EXT1: variants seen among roughly 807,000 people sequenced by gnomAD.
EXT1 encodes the protein exostosin glycosyltransferase 1, also known as exostosin-1.
EXT1 carries 20 observed loss-of-function variants against 82.5 expected under a neutral mutation model. That is an observed-to-expected ratio of 0.24 (90% CI 0.17 to 0.35). The LOEUF (loss-of-function observed/expected upper bound fraction) is 0.35, where lower values mean the gene tolerates loss of function less well. Among genes scored for constraint, EXT1 ranks in the 10% least tolerant of loss-of-function variants. The pLI is 1.00. For missense variants in EXT1, 757 were observed against 936.5 expected (o/e 0.81, Z 2.50); for synonymous variants, 348 against 350.8 (o/e 0.99, Z 0.09).
chr8:117,842,522 CAAA>C (rs2129805970), intron 1 of EXT1, among the ~76,000 whole-genome samples: 1 of 152,244 alleles, frequency 6.6e-6, no homozygotes, highest in South Asian at 2.1e-4. Flanking sequence ...TTTTGAAGAT[CAAA>C]TGAAATCATG....
chr8:117,900,752 C>T, intron 1 of EXT1, among the ~76,000 whole-genome samples: 1 of 152,160 alleles, frequency 6.6e-6, no homozygotes, highest in Non-Finnish European at 1.5e-5. Flanking sequence ...AGCCTGGGTG[C>T]CACACATTCA....
chr8:117,880,241 A>G (rs1813037243), intron 1 of EXT1, among the ~76,000 whole-genome samples: 2 of 152,252 alleles, frequency 1.3e-5, no homozygotes, highest in Admixed American at 1.3e-4. Context: ...TTCAAGCAAC[A>G]TGCCAAGCTA....
At chr8:117,928,381 A>C (rs1038993667) in intron 1 of EXT1, among the ~76,000 whole-genome samples, 8 of 152,190 alleles carry the variant, frequency 5.3e-5, no homozygotes, top group Non-Finnish European at 1.5e-5. Flanking sequence ...GGTTGAATGC[A>C]GGCATGTACA....
At chr8:118,054,897 T>G (rs1428231403) in intron 1 of EXT1, among the ~76,000 whole-genome samples, 1 of 151,688 alleles carries the variant, frequency 6.6e-6, no homozygotes, top group Non-Finnish European at 1.5e-5. Flanking sequence ...CAATTTCTCT[T>G]TTATTACTCC....
chr8:118,067,757 AATC>A (rs1817017743), intron 1 of EXT1, among the ~76,000 whole-genome samples: 1 of 152,230 alleles, frequency 6.6e-6, no homozygotes, highest in African/African-American at 2.4e-5. Context: ...TCAGAAACCT[AATC>A]TTAACATAGG....
At chr8:118,108,576 G>A (rs114923889) in intron 1 of EXT1, among the ~76,000 whole-genome samples, 3,042 of 152,308 alleles carry the variant, frequency 0.02, 100 homozygotes, top group African/African-American at 0.069. Flanking sequence ...CTGGATGAGA[G>A]GAAAATATGG....
intron 7 of EXT1, 100 bp downstream of exon 7, chr8:117,818,335 A>C: frequency 1.1e-6 from 1 of 911,742 alleles, no homozygotes; most frequent in Non-Finnish European, 1.8e-6. Context: ...AAAATAATCC[A>C]GGAACAGGGA....
In EXT1 at chr8:117,819,689, T is replaced by C. The variant is rs915757314; in HGVS notation, c.1523A>G (p.Gln508Arg). The C allele has an allele frequency of 2.5e-6, 4 of 1,612,396 alleles. No individual in the cohort carries two copies. In the African/African-American group the frequency reaches 5.3e-5, roughly 22 times the overall value. ...LKLLVAAAKS[Q>R]YCAQIIVLWN... ...CTTCCCGCTCACCTGGGCACAGTAC[T>C]GGGACTTGGCTGCAGCCACGAGAAG... The change falls in exon 6 of 11, where the codon CAG (glutamine) becomes CGG (arginine). Residue 508 changes from glutamine (Q) to arginine (R), a missense_variant. Transcript: ENST00000378204.
chr8:117,830,210 AG>A lies in EXT1; in HGVS notation c.1284+19del. ...TAAAGGACCATTATTCAAGCCCAAG[AG>A]CCAAGTGGTCTCACTTACCTCTAGT... On this transcript the variant is annotated intron_variant, in intron 4 of 10. Coordinates refer to ENST00000378204, the MANE Select transcript of EXT1 (RefSeq NM_000127.3). The A allele has an allele frequency of 6.2e-7, 1 of 1,613,820 alleles. No homozygotes were observed. Among genetic ancestry groups the A allele is most frequent in the Non-Finnish European group, 8.5e-7 (1 of 1,179,906 alleles).
chr8:117,961,858 G>A (rs183710807), intron 1 of EXT1, among the ~76,000 whole-genome samples: 249 of 152,236 alleles, frequency 1.6e-3, no homozygotes, highest in Non-Finnish European at 2.3e-3. Context: ...TTTCATGGTC[G>A]CCTTGCATAG....
intron 1 of EXT1, among the ~76,000 whole-genome samples, chr8:118,106,857 T>C (rs953818179): frequency 6.6e-6 from 1 of 152,266 alleles, no homozygotes; most frequent in African/African-American, 2.4e-5. Flanking sequence ...TATCCACATG[T>C]GTTAAAATAT....
chr8:117,811,260 G>A lies in EXT1; in HGVS notation c.1722+1612C>T, dbSNP rs144100651. 1.2e-3 allele frequency among the ~76,000 whole-genome samples: 185 copies of A among 152,314 alleles called. 1 individual carries two copies. Among genetic ancestry groups the A allele is most frequent in the Admixed American group, 1.9e-3 (29 of 15,300 alleles). ...AGAAATCTCTCAATAAATACTTGTT[G>A]AATGAATGTGTTCCAGCTTCCCTTG... On this transcript the variant is annotated intron_variant, in intron 8 of 10. Coordinates refer to ENST00000378204, the MANE Select transcript of EXT1 (RefSeq NM_000127.3).
chr8:117,825,235 G>A (rs1170832773), intron 4 of EXT1, among the ~76,000 whole-genome samples: 2 of 152,208 alleles, frequency 1.3e-5, no homozygotes, highest in South Asian at 2.1e-4. Flanking sequence ...CATTAGTATT[G>A]CCAAGTGTCT....
rs529780327 is a variant in EXT1 at position 117,820,647 on chromosome 8, C to T, written c.1418-853G>A. On this transcript the variant is annotated intron_variant, in intron 5 of 10. Transcript: ENST00000378204. The stretch of plus-strand genomic sequence containing the variant: ...AGGTTGCAGTGAGCCAAGATGGTGC[C>T]GATGGTGCCACTATACTCCAGCCTG... Among the ~76,000 whole-genome samples, 24 of 151,172 alleles carry T rather than the reference C, an allele frequency of 1.6e-4. No homozygotes were observed. In the South Asian group the frequency reaches 2.3e-3, roughly 15 times the overall value.
At chr8:117,988,736 G>T (rs1339631939) in intron 1 of EXT1, among the ~76,000 whole-genome samples, 1 of 152,136 alleles carries the variant, frequency 6.6e-6, no homozygotes, top group Non-Finnish European at 1.5e-5. Flanking sequence ...CGAAGAAGGG[G>T]ATAGTAGAGG....
At chr8:117,833,247 A>G (rs1812131290) in intron 3 of EXT1, among the ~76,000 whole-genome samples, 1 of 152,172 alleles carries the variant, frequency 6.6e-6, no homozygotes, top group African/African-American at 2.4e-5. Context: ...GGGTGACAAA[A>G]ATCAAAATCT....
rs1817618113 is a variant in EXT1 at position 118,096,627 on chromosome 8, GAAGGAAGGAAGGAAGGA to G, written c.962+13441_962+13457del. ...AGGAAGGAAGGAAGGAAGGAGGAAG[GAAGGAAGGAAGGAAGGA>G]AGGAAGGAAGGAAGGAAGGAAGGAA... On this transcript the variant is annotated intron_variant, in intron 1 of 10. Transcript: ENST00000378204. 6.1e-5 allele frequency among the ~76,000 whole-genome samples: 5 copies of G among 82,528 alleles called. No individual in the cohort carries two copies. In the South Asian group the frequency reaches 2.3e-3, roughly 38 times the overall value. The allele number at this position is 82,528 out of a possible 152,430, so 54.1% of individuals were successfully genotyped here. A position where few individuals can be genotyped will look rare whatever the true frequency, so the allele number is the denominator to read the frequency against.
rs1812077527 is a variant in EXT1, at chr8:117,830,308, T to C, written c.1206A>G (p.Leu402=). The change falls in exon 4 of 11, where the codon CTA becomes CTG. Residue 402 remains leucine, a synonymous_variant. Coordinates refer to ENST00000378204, the MANE Select transcript of EXT1 (RefSeq NM_000127.3). ...AGAATTGTGTCTGCTGTCTAAGTGC[T>C]AGGATTTTATCCTGATGAATAGACC... is the stretch of plus-strand genomic sequence containing the variant. The part of the protein sequence containing the change: ...TIRSIHQDKI[L]ALRQQTQFLW... 2 of 1,613,936 alleles carry C rather than the reference T, an allele frequency of 1.2e-6. No individual in the cohort carries two copies. The highest frequency in any genetic ancestry group is 2.7e-5 in the African/African-American group (2 of 74,936).
intron 1 of EXT1, among the ~76,000 whole-genome samples, chr8:117,995,519 G>A (rs139251135): frequency 5.9e-5 from 9 of 152,180 alleles, no homozygotes; most frequent in African/African-American, 2.2e-4. Flanking sequence ...GACGTGGTTG[G>A]CAGGGTAGCT....
Sources: gnomAD v4.1 joint callset for allele counts (sites outside exome capture counted in the v4.1 genomes callset) on GRCh38, gnomAD v4.1.1 for gene constraint, MANE v1.5 for transcripts, NCBI Gene and HGNC (gene_info 2026-07-23, HGNC 2026-07-21) for gene names.